The following FRMD6 variants were observed in gnomAD, a reference collection of about 807,000 sequenced individuals.
The protein encoded by FRMD6 is FERM domain-containing protein 6.
A neutral mutation model predicts 73.2 loss-of-function variants in FRMD6; 37 were observed. That is an observed-to-expected ratio of 0.51 (90% CI 0.39 to 0.66). The LOEUF (loss-of-function observed/expected upper bound fraction) is 0.66. FRMD6 is among the 30% of genes least tolerant of loss of function. The pLI is 0.00. For missense variants in FRMD6, 714 were observed against 780.5 expected (o/e 0.91, Z 1.02); for synonymous variants, 273 against 282.2 (o/e 0.97, Z 0.33).
In FRMD6 at chr14:51,730,077, T is replaced by G. The variant is rs529725080; in HGVS notation, c.*2048T>G. The G allele has an allele frequency of 6.6e-6, 1 of 152,394 alleles. No homozygotes were observed. Among genetic ancestry groups the G allele is most frequent in the South Asian group, 2.1e-4 (1 of 4,826 alleles). 9.4% of individuals were successfully genotyped at this position (152,394 alleles called of 1,614,324 possible). A position where few individuals can be genotyped will look rare whatever the true frequency, so the allele number is the denominator to read the frequency against. ...TTTGTACTCTAAGGAGCCCAGATCA[T>G]AATGCAGTGCATTTCCTTAGCCCTT... On this transcript the variant is annotated 3_prime_UTR_variant, in exon 14 of 14. Transcript: ENST00000344768.
chr14:51,516,681 A>G (rs1266751287), intron 1 of FRMD6, among the ~76,000 whole-genome samples: 6 of 152,208 alleles, frequency 3.9e-5, no homozygotes, highest in African/African-American at 7.2e-5. Context: ...CTTAGTCTCA[A>G]ATAAACGTAA....
chr14:51,673,248 TC>T (rs1894150631), intron 1 of FRMD6, among the ~76,000 whole-genome samples: 1 of 152,200 alleles, frequency 6.6e-6, no homozygotes, highest in East Asian at 1.9e-4. Context: ...GAAGATTCTT[TC>T]CTCTGCCTTG....
At chr14:51,672,246 C>T (rs879281862) in intron 1 of FRMD6, among the ~76,000 whole-genome samples, 20 of 152,296 alleles carry the variant, frequency 1.3e-4, no homozygotes, top group Admixed American at 1.3e-3. Context: ...ATTGTAGCAT[C>T]TGCTTATTAT....
At chr14:51,679,375 A>G (rs948545550) in intron 1 of FRMD6, among the ~76,000 whole-genome samples, 9 of 150,422 alleles carry the variant, frequency 6.0e-5, no homozygotes, top group African/African-American at 2.2e-4. Flanking sequence ...AATATATATT[A>G]TGCATATATA....
At chr14:51,594,860 G>A (rs752246658) in intron 2 of FRMD6, among the ~76,000 whole-genome samples, 2 of 152,190 alleles carry the variant, frequency 1.3e-5, no homozygotes, top group Admixed American at 6.5e-5. Context: ...GTTATTTACC[G>A]GTGGCAAGAC....
the FRMD6 span, among the ~76,000 whole-genome samples, chr14:51,463,032 A>G: frequency 6.6e-6 from 1 of 152,218 alleles, no homozygotes; most frequent in South Asian, 2.1e-4. Flanking sequence ...TTTGCCATGT[A>G]TAGATATTCC....
At chr14:51,655,648 A>G (rs777691125) in intron 1 of FRMD6, among the ~76,000 whole-genome samples, 9 of 152,214 alleles carry the variant, frequency 5.9e-5, no homozygotes, top group Non-Finnish European at 1.2e-4. Flanking sequence ...AAAAAGTTAG[A>G]AGGATAAGTA....
intron 2 of FRMD6, among the ~76,000 whole-genome samples, chr14:51,603,571 C>T (rs1248125504): frequency 6.6e-6 from 1 of 151,726 alleles, no homozygotes; most frequent in Non-Finnish European, 1.5e-5. Context: ...AAAAATAGAA[C>T]AAAATTATAA....
chr14:51,640,546 C>A (rs190122649), intron 2 of FRMD6, among the ~76,000 whole-genome samples: 1 of 152,234 alleles, frequency 6.6e-6, no homozygotes, highest in African/African-American at 2.4e-5. Context: ...GGAAATCAGG[C>A]AATATTTGAA....
chr14:51,418,012 A>G, the FRMD6 span, among the ~76,000 whole-genome samples: 2 of 152,132 alleles, frequency 1.3e-5, no homozygotes, highest in African/African-American at 2.4e-5. Flanking sequence ...CAGGTCATTT[A>G]AGGTCTTCTC....
At chr14:51,502,609 G>C (rs1415195471) in intron 1 of FRMD6, among the ~76,000 whole-genome samples, 1 of 152,294 alleles carries the variant, frequency 6.6e-6, no homozygotes, top group South Asian at 2.1e-4. Context: ...TAGCCTTGTA[G>C]TATAGTTTGA....
At chr14:51,608,788 G>A (rs894763770) in intron 2 of FRMD6, among the ~76,000 whole-genome samples, 4 of 152,034 alleles carry the variant, frequency 2.6e-5, no homozygotes, top group Non-Finnish European at 5.9e-5. Context: ...ACACATGTAC[G>A]TTAGTGCACA....
intron 2 of FRMD6, among the ~76,000 whole-genome samples, chr14:51,613,068 G>A (rs1191821306): frequency 1.3e-5 from 2 of 152,146 alleles, no homozygotes; most frequent in Admixed American, 6.6e-5. Context: ...GAGTGGAGAC[G>A]AAACCAGAAT....
At chr14:51,694,671 C>T (rs993234419) in intron 2 of FRMD6, among the ~76,000 whole-genome samples, 9 of 151,994 alleles carry the variant, frequency 5.9e-5, no homozygotes, top group Non-Finnish European at 8.8e-5. Context: ...GGTTGGGCAA[C>T]GGAGTGAGAC....
the FRMD6 span, among the ~76,000 whole-genome samples, chr14:51,417,972 T>C: frequency 3.3e-5 from 5 of 152,334 alleles, no homozygotes; most frequent in South Asian, 1.0e-3. Flanking sequence ...ATGTGTCATG[T>C]AGTTCTTGTG....
intron 10 of FRMD6, among the ~76,000 whole-genome samples, chr14:51,715,984 C>T (rs750862181): frequency 2.6e-5 from 4 of 152,194 alleles, no homozygotes; most frequent in East Asian, 1.9e-4. Flanking sequence ...CTCTGATTGA[C>T]GGCTGGGAGG....
At chr14:51,578,683 A>T (rs1314847860) in intron 2 of FRMD6, among the ~76,000 whole-genome samples, 1 of 152,230 alleles carries the variant, frequency 6.6e-6, no homozygotes, top group African/African-American at 2.4e-5. Context: ...ACTTTCAGAC[A>T]CATGATCTGT....
At chr14:51,653,692 C>T (rs1314488145) in intron 1 of FRMD6, among the ~76,000 whole-genome samples, 1 of 152,126 alleles carries the variant, frequency 6.6e-6, no homozygotes, top group Non-Finnish European at 1.5e-5. Context: ...TAGTATAAAA[C>T]TTAACAGCAC....
At chr14:51,551,691 C>A (rs1450587371) in intron 1 of FRMD6, among the ~76,000 whole-genome samples, 1 of 151,994 alleles carries the variant, frequency 6.6e-6, no homozygotes, top group African/African-American at 2.4e-5. Flanking sequence ...GAGCAGAGAT[C>A]AGGCCACTGC....
Sources: allele counts gnomAD v4.1 joint callset (sites outside exome capture counted in the v4.1 genomes callset), GRCh38; gene constraint gnomAD v4.1.1; transcripts MANE v1.5; gene names NCBI Gene and HGNC (gene_info 2026-07-23, HGNC 2026-07-21).